Variants in ZNF536 observed in about 807,000 individuals in gnomAD.
ZNF536 encodes zinc finger protein 536.
In ZNF536, 13 loss-of-function variants were observed where a neutral mutation model predicts 84.5. The ratio of observed to expected loss-of-function variants is 0.15; its 90% CI spans 0.10 to 0.24. ZNF536 has a LOEUF of 0.24. Among genes scored for constraint, ZNF536 ranks in the 10% least tolerant of loss-of-function variants. The pLI is 1.00. For synonymous variants in ZNF536, 811 were observed against 742.5 expected, an observed-to-expected ratio of 1.09 and a Z score of -1.50; for missense variants, 1,536 against 1,747.5, an observed-to-expected ratio of 0.88 and a Z score of 2.16.
chr19:30,300,915 A>G (rs2046160682), intron 2 of ZNF536, among the ~76,000 whole-genome samples: 1 of 152,132 alleles, frequency 6.6e-6, no homozygotes, highest in Non-Finnish European at 1.5e-5. Flanking sequence ...TAGCTCCATG[A>G]CCTTGGTCAA....
intron 2 of ZNF536, among the ~76,000 whole-genome samples, chr19:30,520,344 G>A (rs1220465466): frequency 3.3e-5 from 5 of 152,200 alleles, no homozygotes; most frequent in African/African-American, 1.2e-4. Context: ...GGACTGAAGG[G>A]CCCTGGGACC....
intron 3 of ZNF536, among the ~76,000 whole-genome samples, chr19:30,543,582 G>A (rs1047597641): frequency 8.5e-5 from 13 of 152,236 alleles, no homozygotes; most frequent in African/African-American, 3.1e-4. Context: ...AGCCCAGAGC[G>A]CTTGGGTAGA....
intron 3 of ZNF536, among the ~76,000 whole-genome samples, chr19:30,536,819 G>A (rs551258130): frequency 1.3e-5 from 2 of 152,230 alleles, no homozygotes; most frequent in South Asian, 4.1e-4. Flanking sequence ...AGTTCAGGGA[G>A]GGGGCCTTGC....
chr19:30,549,062 T>C lies in ZNF536; in HGVS notation c.3443T>C (p.Leu1148Pro), dbSNP rs866598058. The C allele has an allele frequency of 6.2e-7, 1 of 1,614,218 alleles. No homozygotes were observed. The highest frequency in any genetic ancestry group is 1.3e-5 in the African/African-American group (1 of 75,060). The change falls in exon 4 of 5, where the codon CTG (leucine) becomes CCG (proline). Residue 1148 changes from leucine to proline, a missense_variant. Transcript: ENST00000355537. ...CACTCTGAAGAGGATGTCCCCATCC[T>C]GATCCCCGAAACCACGAGTAAGAAC... ...KAHSEEDVPI[L>P]IPETTSKNTT...
chr19:30,435,695 C>T (rs2051714410), intron 1 of ZNF536, among the ~76,000 whole-genome samples: 1 of 152,248 alleles, frequency 6.6e-6, no homozygotes, highest in East Asian at 1.9e-4. Flanking sequence ...AACTTGTCTT[C>T]TTTCCATCCC....
chr19:30,324,007 A>G (rs541858079), intron 2 of ZNF536, among the ~76,000 whole-genome samples: 1 of 151,686 alleles, frequency 6.6e-6, no homozygotes. Context: ...GTACTCACCC[A>G]TCATCCCATC....
At chr19:30,378,023 A>G (rs1042985923) in intron 1 of ZNF536, among the ~76,000 whole-genome samples, 1 of 152,124 alleles carries the variant, frequency 6.6e-6, no homozygotes, top group African/African-American at 2.4e-5. Context: ...GTGCCCCTGA[A>G]CAAGTGATTT....
At chr19:30,584,561 G>A (rs2047032641) in intron 1 of ZNF536, among the ~76,000 whole-genome samples, 1 of 152,196 alleles carries the variant, frequency 6.6e-6, no homozygotes, top group African/African-American at 2.4e-5. Context: ...TGAAGACCCT[G>A]GAGACACAGC....
At chr19:30,393,096 A>G (rs1344284176) in intron 1 of ZNF536, among the ~76,000 whole-genome samples, 1 of 152,202 alleles carries the variant, frequency 6.6e-6, no homozygotes. Context: ...TGTGAGTCCA[A>G]GATGCTGAGG....
At chr19:30,570,420 A>T (rs1599843857) in intron 1 of ZNF536, among the ~76,000 whole-genome samples, 1 of 152,202 alleles carries the variant, frequency 6.6e-6, no homozygotes, top group South Asian at 2.1e-4. Context: ...GCCGGGAGCC[A>T]GCCTTTTCTT....
chr19:30,381,149 A>T (rs538664727), intron 1 of ZNF536, among the ~76,000 whole-genome samples: 1 of 152,306 alleles, frequency 6.6e-6, no homozygotes, highest in South Asian at 2.1e-4. Flanking sequence ...AAGCACTGGG[A>T]TTACAGGTGT....
Position 30,579,380 on chromosome 19 carries a change from C to T in ZNF536, c.169+29866C>T, listed in dbSNP as rs182951787. Among the ~76,000 whole-genome samples the T allele has an allele frequency of 6.6e-5, 10 of 152,328 alleles. 1 individual carries two copies. The highest frequency in any genetic ancestry group is 2.4e-4 in the African/African-American group (10 of 41,570). On this transcript the variant is annotated intron_variant, in intron 1 of 1. Coordinates refer to the ZNF536 transcript ENST00000592773. ...CTAGGCTCAACTGATCTTCACTGGA[C>T]TTCCTCATGATTCAGTAGGTGGCTA...
chr19:30,490,359 T>C (rs1038453073), intron 2 of ZNF536, among the ~76,000 whole-genome samples: 2 of 152,134 alleles, frequency 1.3e-5, no homozygotes, highest in African/African-American at 4.8e-5. Context: ...AATGAACATT[T>C]TAGAATATAT....
chr19:30,445,278 T>A lies in ZNF536; in HGVS notation c.1716T>A (p.Asp572Glu), dbSNP rs2148218270. The change falls in exon 2 of 5, where the codon GAT (aspartate) becomes GAA (glutamate). Residue 572 changes from aspartate (D) to glutamate (E), a missense_variant. Physicochemically the swap from Asp to Glu is conservative, Grantham distance 45. Transcript: ENST00000355537. This position sits in a 1 kb window ranked among gnomAD's most constrained non-coding sequence, Gnocchi z 4.5. ...GGGAGTACGTGTTAGTGGGAGCAGA[T>A]GGCTCCAAGCAGAAAATGCCTGCTG... is the stretch of plus-strand genomic sequence containing the variant. ...EKREYVLVGA[D>E]GSKQKMPADL... is the part of the protein sequence containing the mutation. The A allele has an allele frequency of 6.2e-7, 1 of 1,614,122 alleles. No individual in the cohort carries two copies. Among genetic ancestry groups the A allele is most frequent in the East Asian group, 2.2e-5 (1 of 44,850 alleles).
intron 1 of ZNF536, among the ~76,000 whole-genome samples, chr19:30,630,454 C>T (rs2116890): frequency 0.45 from 67,764 of 151,862 alleles, 15,561 homozygotes; most frequent in Non-Finnish European, 0.51. Flanking sequence ...TGTGTGCACA[C>T]GTCCTGCATT....
intron 2 of ZNF536, among the ~76,000 whole-genome samples, chr19:30,315,456 C>T (rs1299870558): frequency 6.6e-6 from 1 of 152,092 alleles, no homozygotes; most frequent in Non-Finnish European, 1.5e-5. Flanking sequence ...GCATGAGCCA[C>T]CCCCCTCTGG....
intron 1 of ZNF536, among the ~76,000 whole-genome samples, chr19:30,383,744 TC>T (rs1568376802): frequency 1.7e-3 from 4 of 2,398 alleles, no homozygotes; most frequent in Admixed American, 4.9e-3. Context: ...TCTTTCTTTC[TC>T]TTTCTTTCTT....
intron 3 of ZNF536, among the ~76,000 whole-genome samples, chr19:30,366,394 ATCTATATC>A (rs2048432805): frequency 6.7e-6 from 1 of 149,910 alleles, no homozygotes; most frequent in African/African-American, 2.5e-5. Flanking sequence ...CTATCTATCT[ATCTATATC>A]TATCTCCTTC....
At chr19:30,420,929 G>A (rs1471065428) in intron 1 of ZNF536, among the ~76,000 whole-genome samples, 1 of 152,180 alleles carries the variant, frequency 6.6e-6, no homozygotes, top group East Asian at 1.9e-4. Context: ...ACGAATGCTT[G>A]GTTTGCATGT....
Sources: allele counts gnomAD v4.1 joint callset (sites outside exome capture counted in the v4.1 genomes callset), GRCh38; gene constraint gnomAD v4.1.1; non-coding constraint Gnocchi (gnomAD v3.1); transcripts MANE v1.5; gene names NCBI Gene and HGNC (gene_info 2026-07-23, HGNC 2026-07-21).